KCNT1: variants seen among roughly 807,000 people sequenced by gnomAD.
KCNT1 encodes potassium channel subfamily T member 1.
In KCNT1, 78 loss-of-function variants were observed where a neutral mutation model predicts 147.8. That is an observed-to-expected ratio of 0.53 (90% confidence interval 0.44 to 0.64). The LOEUF is 0.64. Among genes scored for constraint, KCNT1 ranks in the 30% least tolerant of loss-of-function variants. KCNT1 has a pLI of 0.00. For missense variants in KCNT1, 1,419 were observed against 1,750.3 expected (o/e 0.81, Z 3.38); for synonymous variants, 867 against 748.8 (o/e 1.16, Z -2.58).
chr9:135,742,484 G>A (rs886185967), intron 2 of KCNT1, among the ~76,000 whole-genome samples: 2 of 152,314 alleles, frequency 1.3e-5, no homozygotes, highest in African/African-American at 2.4e-5. Flanking sequence ...ACCTCCAAGC[G>A]GGCTGTGCTG....
intron 24 of KCNT1, among the ~76,000 whole-genome samples, chr9:135,781,106 T>A (rs1470233229): frequency 6.6e-6 from 1 of 152,198 alleles, no homozygotes; most frequent in East Asian, 1.9e-4. Context: ...TGGGGCTCTG[T>A]GTTGCCGGGG....
intron 2 of KCNT1, among the ~76,000 whole-genome samples, chr9:135,716,671 G>A (rs141654139): frequency 2.6e-5 from 4 of 152,320 alleles, no homozygotes; most frequent in African/African-American, 4.8e-5. Flanking sequence ...TGCCCACTGG[G>A]CACATGGGTT....
chr9:135,789,924 C>T (rs997943769), intron 29 of KCNT1: 3 of 152,288 alleles, frequency 2.0e-5, no homozygotes, highest in Admixed American at 6.5e-5. Context: ...CCTGGGCAGC[C>T]AGGACCAGTG....
chr9:135,785,229 TC>T (rs1393138018), intron 27 of KCNT1, 80 bp from the exon 28 acceptor site: 1 of 1,585,184 alleles, frequency 6.3e-7, no homozygotes, highest in Non-Finnish European at 8.6e-7. Context: ...CTAAGCATGT[TC>T]CGTGCAGACC....
chr9:135,770,285 C>T lies in KCNT1; in HGVS notation c.1620-13C>T, dbSNP rs1255165614. 1.1e-5 allele frequency: 18 copies of T among 1,582,926 alleles called. No homozygotes were observed. The highest frequency in any genetic ancestry group is 1.5e-5 in the Non-Finnish European group (18 of 1,162,746). On this transcript the variant is annotated splice_polypyrimidine_tract_variant and intron_variant, in intron 16 of 30. Transcript: ENST00000371757. Reference sequence around the variant, plus strand: ...CGAGGGTGACGCTCCCCTGGCCCCGCCCTGGCCCACAGGGAGGGACAGGAG... The same window carrying T: ...CGAGGGTGACGCTCCCCTGGCCCCGTCCTGGCCCACAGGGAGGGACAGGAG...
chr9:135,769,563 C>T (rs955473498), intron 15 of KCNT1, among the ~76,000 whole-genome samples: 4 of 152,188 alleles, frequency 2.6e-5, no homozygotes, highest in Non-Finnish European at 5.9e-5. Flanking sequence ...GCAGGAGCAC[C>T]GTCTGATGAG....
At chr9:135,703,032 A>AC (rs559290102) in intron 1 of KCNT1, 159 of 152,786 alleles carry the variant, frequency 1.0e-3, no homozygotes, top group Middle Eastern at 6.8e-3. Flanking sequence ...TCTGCCGTCC[A>AC]CCCAGTGACC....
rs143355299 is a variant in KCNT1, at chr9:135,770,966, A to G, written c.1879A>G (p.Ile627Val). 6.7e-4 allele frequency: 1,075 copies of G among 1,613,898 alleles called. 1 individual carries two copies. Among genetic ancestry groups the G allele is most frequent in the Non-Finnish European group, 6.2e-4 (736 of 1,179,920 alleles). ...CTCTGACACCTGCTTCTACATCAAC[A>G]TCACCAAGGAGGAGAACTCGGCCTT... is the stretch of plus-strand genomic sequence containing the variant. ...AASDTCFYINITKEENSAFIF... is the reference protein window; with the variant it reads ...AASDTCFYINVTKEENSAFIF... Residue 627 changes from isoleucine (I) to valine (V), a missense_variant, in exon 18 of 31, where the codon ATC becomes GTC. This residue lies in a region of KCNT1 where 284 missense variants were observed against 292.8 expected (regional missense o/e 0.97). Coordinates refer to ENST00000371757, the MANE Select transcript of KCNT1 (RefSeq NM_020822.3).
intron 10 of KCNT1, 49 bp from the exon 11 acceptor site, chr9:135,759,630 C>G: frequency 6.5e-7 from 1 of 1,540,904 alleles, no homozygotes; most frequent in African/African-American, 1.4e-5. Flanking sequence ...GGGGCCACGG[C>G]CCCCCAGCTC....
chr9:135,777,833 CCAGTTCCCA>C (rs1833284021), intron 21 of KCNT1, among the ~76,000 whole-genome samples: 1 of 150,920 alleles, frequency 6.6e-6, no homozygotes, highest in Non-Finnish European at 1.5e-5. Flanking sequence ...TCCAGCTCCC[CCAGTTCCCA>C]GCTACTCTCC....
intron 2 of KCNT1, among the ~76,000 whole-genome samples, chr9:135,732,014 A>G (rs796605545): frequency 0.054 from 6,664 of 122,504 alleles, 683 homozygotes; most frequent in South Asian, 0.064. Flanking sequence ...AGAGAGAGAG[A>G]GAGAGAGAGA....
chr9:135,713,360 C>T lies in KCNT1; in HGVS notation c.111-1217C>T, dbSNP rs374823861. On this transcript the variant is annotated intron_variant, in intron 1 of 30. Transcript: ENST00000371757. ...GGGGGTTGAACCTGTGACCTCAGAA[C>T]AAGGAGCAGGGTTTGGGGCACGCAC... 2.6e-5 allele frequency among the ~76,000 whole-genome samples: 4 copies of T among 152,244 alleles called. No individual in the cohort carries two copies. In the East Asian group the frequency reaches 7.7e-4, roughly 29 times the overall value.
At position 135,756,896 on chromosome 9, in the gene KCNT1, C is replaced by T. The variant is rs1588321872; in HGVS notation, c.564C>T (p.Phe188=). The part of the protein sequence containing the change: ...AIQVIVAIIS[F]LETMLLIYLS... ...AGGTCATCGTGGCCATAATAAGCTT[C>T]CTGGAGACGATGCTTCTCATCTACC... Residue 188 remains phenylalanine, a synonymous_variant, in exon 7 of 31, where the codon TTC becomes TTT. Transcript: ENST00000371757. 6.2e-7 allele frequency: 1 copy of T among 1,613,458 alleles called. No homozygotes were observed. The highest frequency in any genetic ancestry group is 8.5e-7 in the Non-Finnish European group (1 of 1,179,970).
At chr9:135,779,246 CACAG>C in intron 23 of KCNT1, 109 bp from the exon 24 acceptor site, 9 of 670,614 alleles carry the variant, frequency 1.3e-5, no homozygotes, top group South Asian at 3.3e-5. Context: ...GAGACCCCCC[CACAG>C]CCATGGGACC....
chr9:135,746,580 C>T (rs962149912), intron 2 of KCNT1, among the ~76,000 whole-genome samples: 2 of 152,202 alleles, frequency 1.3e-5, no homozygotes, highest in African/African-American at 2.4e-5. Context: ...CCCAGGGGGA[C>T]GCATTGGCTT....
intron 28 of KCNT1, chr9:135,785,952 A>G: frequency 1.8e-6 from 1 of 559,712 alleles, no homozygotes; most frequent in Non-Finnish European, 3.1e-6. Context: ...TCCCTTGACC[A>G]GGCCCGGGCA....
intron 2 of KCNT1, among the ~76,000 whole-genome samples, chr9:135,745,023 G>A (rs1830750824): frequency 6.6e-6 from 1 of 152,238 alleles, no homozygotes; most frequent in South Asian, 2.1e-4. Flanking sequence ...CTCCCAGGGT[G>A]GGGGTCGGGA....
chr9:135,710,876 C>T (rs1835456787), intron 1 of KCNT1, among the ~76,000 whole-genome samples: 1 of 152,194 alleles, frequency 6.6e-6, no homozygotes, highest in Admixed American at 6.5e-5. Context: ...AGGAAGAAGA[C>T]CTCCGTCTTC....
At chr9:135,751,260 G>A (rs567853405) in intron 4 of KCNT1, among the ~76,000 whole-genome samples, 388 of 152,132 alleles carry the variant, frequency 2.6e-3, no homozygotes, top group Non-Finnish European at 3.9e-3. Flanking sequence ...GGTCCCCATC[G>A]TAGACTTCCA....
Sources: gnomAD v4.1 joint callset for allele counts (sites outside exome capture counted in the v4.1 genomes callset) on GRCh38, gnomAD v4.1.1 for gene constraint, gnomAD v4.1.1 regional missense constraint, MANE v1.5 for transcripts, NCBI Gene and HGNC (gene_info 2026-07-23, HGNC 2026-07-21) for gene names.